Variants in TRPM3 observed in about 807,000 individuals in gnomAD.
TRPM3 encodes transient receptor potential cation channel subfamily M member 3.
In TRPM3, 77 loss-of-function variants were observed where a neutral mutation model predicts 181.2. The ratio of observed to expected loss-of-function variants is 0.42; its 90% CI spans 0.35 to 0.51. The LOEUF (loss-of-function observed/expected upper bound fraction) is 0.51. TRPM3 is among the 20% of genes least tolerant of loss of function. TRPM3 has a pLI of 0.01. For synonymous variants in TRPM3, 745 were observed against 796.4 expected, an observed-to-expected ratio of 0.94 and a Z score of 1.09; for missense variants, 1,759 against 2,196.7, an observed-to-expected ratio of 0.80 and a Z score of 3.98.
chr9:71,163,407 G>A (rs2076373865), intron 1 of TRPM3, among the ~76,000 whole-genome samples: 2 of 152,146 alleles, frequency 1.3e-5, no homozygotes, highest in Admixed American at 1.3e-4. Context: ...AGGATTTAGT[G>A]ACTGAAGGGA....
intron 1 of TRPM3, among the ~76,000 whole-genome samples, chr9:71,262,422 T>A (rs2083121574): frequency 6.6e-6 from 1 of 152,124 alleles, no homozygotes; most frequent in Admixed American, 6.5e-5. Flanking sequence ...CAGTGAGAAT[T>A]TCAAGCCAAT....
chr9:71,061,253 T>C (rs1372563319), intron 1 of TRPM3, among the ~76,000 whole-genome samples: 2 of 152,108 alleles, frequency 1.3e-5, no homozygotes, highest in Non-Finnish European at 2.9e-5. Context: ...CTTCCTGCAC[T>C]ACCATGGGGA....
chr9:71,104,729 T>C (rs72731779), intron 1 of TRPM3, among the ~76,000 whole-genome samples: 14,226 of 152,228 alleles, frequency 0.093, 788 homozygotes, highest in African/African-American at 0.15. Flanking sequence ...AAGGTATTTC[T>C]GTATGAGAAA....
chr9:71,434,966 CTCAT>C (rs1466204365), intron 1 of TRPM3, among the ~76,000 whole-genome samples: 2 of 152,044 alleles, frequency 1.3e-5, no homozygotes, highest in Non-Finnish European at 2.9e-5. Context: ...AAGTGTTGTT[CTCAT>C]TCATTGAGAA....
chr9:70,680,212 C>T (rs1400872421), intron 9 of TRPM3, among the ~76,000 whole-genome samples: 2 of 152,134 alleles, frequency 1.3e-5, no homozygotes. Context: ...GCATTTTAAC[C>T]TTTAGCGAAT....
At chr9:71,320,381 G>A (rs7470401) in intron 1 of TRPM3, among the ~76,000 whole-genome samples, 1 of 151,424 alleles carries the variant, frequency 6.6e-6, no homozygotes, top group Non-Finnish European at 1.5e-5. Flanking sequence ...ATGAAACAGA[G>A]TTCTCTGAGA....
chr9:71,062,559 CT>C (rs1296003758), intron 1 of TRPM3, among the ~76,000 whole-genome samples: 2 of 152,086 alleles, frequency 1.3e-5, no homozygotes, highest in African/African-American at 4.8e-5. Context: ...TTTCTAAATA[CT>C]TTTGTTTCTT....
intron 1 of TRPM3, among the ~76,000 whole-genome samples, chr9:71,179,300 G>T (rs781412250): frequency 6.6e-6 from 1 of 152,140 alleles, no homozygotes; most frequent in Middle Eastern, 3.4e-3. Flanking sequence ...TTATTAAAAC[G>T]GGCAGGGAAA....
chr9:71,327,465 T>C (rs1211146548), intron 1 of TRPM3, among the ~76,000 whole-genome samples: 2 of 152,110 alleles, frequency 1.3e-5, no homozygotes, highest in African/African-American at 2.4e-5. Flanking sequence ...AAGAATGTTA[T>C]ATGCACTTAT....
intron 1 of TRPM3, among the ~76,000 whole-genome samples, chr9:71,208,683 A>G (rs1441240139): frequency 2.6e-5 from 4 of 152,216 alleles, no homozygotes; most frequent in Non-Finnish European, 5.9e-5. Flanking sequence ...AAAGTTTCCT[A>G]AATTCATCAA....
chr9:70,588,017 C>G (rs965204289), intron 22 of TRPM3, among the ~76,000 whole-genome samples: 4 of 152,170 alleles, frequency 2.6e-5, no homozygotes, highest in African/African-American at 9.6e-5. Context: ...CCAAACAAAA[C>G]AAACATTTCA....
At chr9:71,299,169 T>C (rs558582131) in intron 1 of TRPM3, among the ~76,000 whole-genome samples, 1 of 152,302 alleles carries the variant, frequency 6.6e-6, no homozygotes, top group South Asian at 2.1e-4. Context: ...CTGCATTCTC[T>C]TTGCAACTGA....
intron 1 of TRPM3, among the ~76,000 whole-genome samples, chr9:71,017,005 T>C (rs2097790312): frequency 6.6e-6 from 1 of 152,170 alleles, no homozygotes; most frequent in African/African-American, 2.4e-5. Flanking sequence ...ACTACAAAGT[T>C]ATAAATGTAA....
At chr9:70,752,409 G>A (rs371720229) in intron 8 of TRPM3, among the ~76,000 whole-genome samples, 3 of 152,204 alleles carry the variant, frequency 2.0e-5, no homozygotes, top group South Asian at 2.1e-4. Context: ...AGTTATGGAT[G>A]GGTTACAGGT....
At chr9:71,261,581 C>A (rs2083057151) in intron 1 of TRPM3, among the ~76,000 whole-genome samples, 1 of 152,166 alleles carries the variant, frequency 6.6e-6, no homozygotes, top group Non-Finnish European at 1.5e-5. Flanking sequence ...GGAGAAGAAG[C>A]ATTCTGGTTT....
intron 1 of TRPM3, among the ~76,000 whole-genome samples, chr9:71,363,575 T>C (rs138757390): frequency 2.6e-5 from 4 of 152,328 alleles, no homozygotes; most frequent in East Asian, 3.9e-4. Context: ...TATCCACCTA[T>C]ATAAAATACA....
intron 1 of TRPM3, among the ~76,000 whole-genome samples, chr9:71,133,662 A>C (rs928636216): frequency 6.6e-6 from 1 of 152,068 alleles, no homozygotes; most frequent in Non-Finnish European, 1.5e-5. Flanking sequence ...TATATTAAGG[A>C]CATTAATCCA....
At chr9:70,801,789 G>C (rs1013812957) in intron 6 of TRPM3, among the ~76,000 whole-genome samples, 1 of 151,944 alleles carries the variant, frequency 6.6e-6, no homozygotes, top group Non-Finnish European at 1.5e-5. Flanking sequence ...TACCATTACT[G>C]TAGAAAGTAG....
chr9:71,351,876 G>GTTTTTT (rs55844483), intron 1 of TRPM3, among the ~76,000 whole-genome samples: 1 of 141,684 alleles, frequency 7.1e-6, no homozygotes, highest in African/African-American at 2.6e-5. Flanking sequence ...GTTTGTTTTT[G>GTTTTTT]TTTTTTTTTT....
Sources: gnomAD v4.1 joint callset for allele counts (sites outside exome capture counted in the v4.1 genomes callset) on GRCh38, gnomAD v4.1.1 for gene constraint, MANE v1.5 for transcripts, NCBI Gene and HGNC (gene_info 2026-07-23, HGNC 2026-07-21) for gene names.